Variants in USP40 observed in about 807,000 individuals in gnomAD.
USP40 encodes the protein ubiquitin carboxyl-terminal hydrolase 40.
A neutral mutation model predicts 166.2 loss-of-function variants in USP40; 143 were observed. The observed-to-expected ratio is 0.86, with a 90% CI of 0.75 to 0.99. The LOEUF (loss-of-function observed/expected upper bound fraction) is 0.99. Ranked by LOEUF, USP40 falls within the 50% of genes least tolerant of loss-of-function variation. USP40 has a pLI of 0.00. For synonymous variants in USP40, 498 were observed against 524.0 expected (o/e 0.95, Z 0.68); for missense variants, 1,444 against 1,479.7 (o/e 0.98, Z 0.40).
In USP40 at chr2:233,562,770, C is replaced by T; in HGVS notation, c.233G>A (p.Gly78Asp). 5 of 1,538,194 alleles carry T rather than the reference C, an allele frequency of 3.3e-6. No homozygotes were observed. The highest frequency in any genetic ancestry group is 4.4e-6 in the Non-Finnish European group (5 of 1,139,778). The change falls in exon 3 of 32, where the codon GGT becomes GAT. Residue 78 changes from glycine to aspartate, a missense_variant. Coordinates refer to ENST00000678225, the MANE Select transcript of USP40 (RefSeq NM_001365479.2). ...ALFSLGPEEL[G>D]LFEDKDKPDA... ...GGGTTTATCCTTATCTTCAAACAAA[C>T]CAAGCTCTTCTGGGCCAAGAGAAAA...
chr2:233,481,092 T>C, intron 31 of USP40, 111 bp downstream of exon 31: 1 of 1,013,256 alleles, frequency 9.9e-7, no homozygotes, highest in Non-Finnish European at 1.5e-6. Context: ...GTGCTTTGTG[T>C]GCACTCTGAA....
At chr2:233,508,572 C>CT (rs2066590139) in intron 21 of USP40, among the ~76,000 whole-genome samples, 1 of 152,144 alleles carries the variant, frequency 6.6e-6, no homozygotes, top group Admixed American at 6.6e-5. Context: ...TCTATGTTGT[C>CT]TGAGTGTTGC....
chr2:233,529,641 C>T (rs992501317), intron 11 of USP40, 129 bp from the exon 12 acceptor site: 12 of 516,894 alleles, frequency 2.3e-5, no homozygotes, highest in Admixed American at 1.9e-4. Context: ...TGTGTGAATA[C>T]GAATTTTCTC....
At chr2:233,502,226 T>A (rs1159371823) in intron 21 of USP40, among the ~76,000 whole-genome samples, 4 of 152,110 alleles carry the variant, frequency 2.6e-5, no homozygotes, top group African/African-American at 9.6e-5. Context: ...TTCCTTGAAA[T>A]TAAAAAATGT....
At chr2:233,551,816 T>G (rs2125357339) in intron 6 of USP40, among the ~76,000 whole-genome samples, 1 of 152,336 alleles carries the variant, frequency 6.6e-6, no homozygotes, top group African/African-American at 2.4e-5. Context: ...ATTTCTGGCC[T>G]TTCACCTTCA....
At chr2:233,538,114 ATAGTG>A (rs1316047821) in intron 10 of USP40, among the ~76,000 whole-genome samples, 1 of 152,150 alleles carries the variant, frequency 6.6e-6, no homozygotes, top group African/African-American at 2.4e-5. Flanking sequence ...TAATTTATAT[ATAGTG>A]TAATCGCTAG....
At chr2:233,519,583 T>A in intron 18 of USP40, 31 bp downstream of exon 18, 1 of 1,394,278 alleles carries the variant, frequency 7.2e-7, no homozygotes, top group Non-Finnish European at 9.9e-7. Flanking sequence ...TAAGCTAAAC[T>A]AAGAACCGAA....
At chr2:233,542,447 A>C in intron 8 of USP40, 84 bp from the exon 9 acceptor site, 32 of 784,712 alleles carry the variant, frequency 4.1e-5, no homozygotes, top group African/African-American at 5.2e-5. Flanking sequence ...ACAGTAGCTC[A>C]CACCTGTAAT....
intron 18 of USP40, among the ~76,000 whole-genome samples, chr2:233,517,632 C>T (rs970465909): frequency 6.6e-6 from 1 of 152,148 alleles, no homozygotes; most frequent in African/African-American, 2.4e-5. Context: ...TGTGGTCTCC[C>T]CGCCTCGGCC....
Position 233,480,156 on chromosome 2 carries a change from C to T in USP40, c.3599+1047G>A, listed in dbSNP as rs1255148876. Among the ~76,000 whole-genome samples, 1 of 152,200 alleles carries T rather than the reference C, an allele frequency of 6.6e-6. No individual in the cohort carries two copies. The highest frequency in any genetic ancestry group is 1.5e-5 in the Non-Finnish European group (1 of 68,050). On this transcript the variant is annotated intron_variant, in intron 31 of 31. Transcript: ENST00000678225. This position sits in a 1 kb window ranked among gnomAD's most constrained non-coding sequence, Gnocchi z 4.5. ...CCACCTCCACCTGGGACCTCTCTTCCCCAGACGCCCCCAGTGGCAGAGGGC... is the reference window on the plus strand; with the variant it reads ...CCACCTCCACCTGGGACCTCTCTTCTCCAGACGCCCCCAGTGGCAGAGGGC...
rs2072197215 is a variant in USP40, at chr2:233,566,738, C to T, written c.-74G>A. On this transcript the variant is annotated 5_prime_UTR_variant, in exon 1 of 32. An upstream open reading frame in the 5' UTR gains an earlier in-frame stop. Transcript: ENST00000678225. ...AAAACGCGAAGCGAACGAACCCGCC[C>T]CAACTGGGCGCCGCCATGTTGGCGA... The T allele has an allele frequency of 4.1e-6, 4 of 985,940 alleles. No individual in the cohort carries two copies. Among genetic ancestry groups the T allele is most frequent in the Non-Finnish European group, 4.8e-6 (4 of 829,958 alleles). The allele number at this position is 985,940 out of a possible 1,614,324, so 61.1% of individuals were successfully genotyped here.
At chr2:233,546,714 A>G (rs1055666847) in intron 8 of USP40, 2 of 152,270 alleles carry the variant, frequency 1.3e-5, no homozygotes, top group African/African-American at 4.8e-5. Context: ...AGCTTCGATC[A>G]GAATCTAATG....
rs373474102 is a variant in USP40, at chr2:233,477,470, G to A, written c.3633C>T (p.Ile1211=). Residue 1211 remains isoleucine (I), a synonymous_variant, in exon 32 of 32, where the codon ATC becomes ATT. Transcript: ENST00000678225. ...QEALHEQSSY[I]LSSAETPARP... ...GGGCAGGCGTCTCTGCACTGGAGAG[G>A]ATGTAGCTGCTCTGCTCATGGAGGG... 5.1e-5 allele frequency: 83 copies of A among 1,613,630 alleles called. No homozygotes were observed. Among genetic ancestry groups the A allele is most frequent in the Non-Finnish European group, 6.5e-5 (77 of 1,179,878 alleles).
At chr2:233,498,177 T>G (rs1329971435) in intron 23 of USP40, among the ~76,000 whole-genome samples, 1 of 152,154 alleles carries the variant, frequency 6.6e-6, no homozygotes, top group East Asian at 1.9e-4. Flanking sequence ...CTGCCACCAT[T>G]ACCTTACAGA....
Position 233,510,073 on chromosome 2 carries a change from T to C in USP40, c.2589A>G (p.Val863=). The change falls in exon 21 of 32, where the codon GTA becomes GTG. Residue 863 remains valine (V), a synonymous_variant. Transcript: ENST00000678225. ...CATCTCTCACAGATATTGTTTCTTC[T>C]ACTACGATTTCCATTTCTGTCCCAG... ...VQPGTEMEIV[V]EETISVRDCL... 1 of 1,597,964 alleles carries C rather than the reference T, an allele frequency of 6.3e-7. No homozygotes were observed. The highest frequency in any genetic ancestry group is 8.5e-7 in the Non-Finnish European group (1 of 1,171,350).
At chr2:233,497,191 A>T (rs1233954239) in intron 23 of USP40, among the ~76,000 whole-genome samples, 1 of 152,228 alleles carries the variant, frequency 6.6e-6, no homozygotes. Context: ...GACAAGGGCT[A>T]AGTTAAGGTT....
In USP40 at chr2:233,559,824, C is replaced by CTCGTACCTCATTACTGG. The variant is rs754626077; in HGVS notation, c.367_368insCCAGTAATGAGGTACGA (p.Trp123SerfsTer13). ...TGATCCTCGTACCTCATTACTGGTC[C>CTCGTACCTCATTACTGG]ACCCAAAGCTGTCAGTGAGGTCTGC... On this transcript the variant is annotated frameshift_variant, in exon 4 of 32. Coordinates refer to ENST00000678225, the MANE Select transcript of USP40 (RefSeq NM_001365479.2). LOFTEE classifies it high-confidence loss of function. The CTCGTACCTCATTACTGG allele has an allele frequency of 2.7e-5, 43 of 1,606,938 alleles. No individual in the cohort carries two copies. The highest frequency in any genetic ancestry group is 3.7e-5 in the Non-Finnish European group (43 of 1,176,872).
rs189726396 is a variant in USP40, at chr2:233,553,886, A to G, written c.693+494T>C. Among the ~76,000 whole-genome samples, 111 of 152,342 alleles carry G rather than the reference A, an allele frequency of 7.3e-4. 1 individual carries two copies. Among genetic ancestry groups the G allele is most frequent in the Admixed American group, 7.1e-3 (109 of 15,302 alleles). On this transcript the variant is annotated intron_variant, in intron 6 of 31. Coordinates refer to ENST00000678225, the MANE Select transcript of USP40 (RefSeq NM_001365479.2). ...TGCTTGACTGTACAGAAAGAAAATCAGAAGTATTCTGTTAAATTCCTTAAT... is the reference window on the plus strand; with the variant it reads ...TGCTTGACTGTACAGAAAGAAAATCGGAAGTATTCTGTTAAATTCCTTAAT...
intron 4 of USP40, among the ~76,000 whole-genome samples, chr2:233,558,299 TAAG>T (rs2071279998): frequency 6.6e-6 from 1 of 151,112 alleles, no homozygotes; most frequent in Non-Finnish European, 1.5e-5. Flanking sequence ...TTCACAGCAT[TAAG>T]AAGAAACCAG....
Sources: gnomAD v4.1 joint callset for allele counts (sites outside exome capture counted in the v4.1 genomes callset) on GRCh38, gnomAD v4.1.1 for gene constraint, Gnocchi (gnomAD v3.1) non-coding constraint, MANE v1.5 for transcripts, NCBI Gene and HGNC (gene_info 2026-07-23, HGNC 2026-07-21) for gene names.